Variants in ADGRG7 observed in about 807,000 individuals in gnomAD.
ADGRG7 encodes G-protein coupled receptor 128.
ADGRG7 carries 82 observed loss-of-function variants against 88.6 expected under a neutral mutation model. The ratio of observed to expected loss-of-function variants is 0.93; its 90% confidence interval spans 0.77 to 1.11. ADGRG7 has a LOEUF of 1.11. ADGRG7 is among the 50% of genes most tolerant of loss of function. ADGRG7 has a pLI of 0.00. For synonymous variants in ADGRG7, 381 were observed against 345.2 expected (o/e 1.10, Z -1.15); for missense variants, 945 against 953.4 (o/e 0.99, Z 0.12).
chr3:100,684,401 C>A (rs2094978789), intron 15 of ADGRG7, among the ~76,000 whole-genome samples: 1 of 151,958 alleles, frequency 6.6e-6, no homozygotes, highest in Admixed American at 6.6e-5. Context: ...GTAACTGGGA[C>A]TACAGGCACG....
Position 100,692,892 on chromosome 3 carries a change from G to A in ADGRG7, c.2137-1852G>A, listed in dbSNP as rs552489262. ...AGCTGAGACTCTTCATTTTAAACAA[G>A]GACCTCAGGTGATTTCTATGTACAC... On this transcript the variant is annotated intron_variant, in intron 15 of 15. Transcript: ENST00000273352. Among the ~76,000 whole-genome samples the A allele has an allele frequency of 6.6e-5, 10 of 152,200 alleles. No homozygotes were observed. In the East Asian group the frequency reaches 1.4e-3, roughly 21 times the overall value.
At chr3:100,674,636 G>A (rs2094962675) in intron 15 of ADGRG7, among the ~76,000 whole-genome samples, 1 of 150,300 alleles carries the variant, frequency 6.7e-6, no homozygotes, top group Non-Finnish European at 1.5e-5. Context: ...GGAGTGCAGT[G>A]GTGTAACATC....
rs747101652 is a variant in ADGRG7, at chr3:100,694,823, C to T, written c.2216C>T (p.Ser739Leu). Reference protein sequence around the residue: ...SEASKVLMLLSSIGRRKSLPS... With the variant: ...SEASKVLMLLLSIGRRKSLPS... ...GCTTCCAAAGTGTTGATGTTGCTATCGTCTATTGGGAGAAGGAAGTCATTG... is the reference window on the plus strand; with the variant it reads ...GCTTCCAAAGTGTTGATGTTGCTATTGTCTATTGGGAGAAGGAAGTCATTG... The change falls in exon 16 of 16, where the codon TCG (serine) becomes TTG (leucine). Residue 739 changes from serine to leucine, a missense_variant. Transcript: ENST00000273352. 15 of 1,613,968 alleles carry T rather than the reference C, an allele frequency of 9.3e-6. No individual in the cohort carries two copies. Among genetic ancestry groups the T allele is most frequent in the East Asian group, 2.2e-5 (1 of 44,898 alleles).
chr3:100,674,347 T>A (rs2094962260), intron 15 of ADGRG7, among the ~76,000 whole-genome samples: 1 of 152,198 alleles, frequency 6.6e-6, no homozygotes, highest in African/African-American at 2.4e-5. Flanking sequence ...GGTGTTTTGA[T>A]AGAGATTGCA....
At chr3:100,633,465 A>G (rs1707486227) in intron 4 of ADGRG7, 88 bp downstream of exon 4, 1 of 566,714 alleles carries the variant, frequency 1.8e-6, no homozygotes, top group Non-Finnish European at 2.9e-6. Context: ...GGTCAAATCA[A>G]TTCTTTTAAA....
chr3:100,662,074 A>G (rs1372847059), intron 14 of ADGRG7, among the ~76,000 whole-genome samples: 2 of 152,194 alleles, frequency 1.3e-5, no homozygotes, highest in African/African-American at 4.8e-5. Context: ...ATTCATCACT[A>G]GTCCACATAT....
At chr3:100,687,120 G>T (rs1343779139) in intron 15 of ADGRG7, among the ~76,000 whole-genome samples, 6 of 152,106 alleles carry the variant, frequency 3.9e-5, no homozygotes, top group Non-Finnish European at 7.3e-5. Context: ...AGATTCCTAG[G>T]TATTTTATTC....
intron 10 of ADGRG7, among the ~76,000 whole-genome samples, chr3:100,649,200 G>A (rs965609674): frequency 2.0e-5 from 3 of 152,098 alleles, no homozygotes; most frequent in African/African-American, 7.2e-5. Flanking sequence ...GAACCACATG[G>A]GACAGTATGG....
rs1707676549 is a variant in ADGRG7, at chr3:100,643,315, G to A, written c.748G>A (p.Val250Met). The change falls in exon 7 of 16, where the codon GTG becomes ATG. Residue 250 changes from valine (V) to methionine (M), a missense_variant. Coordinates refer to ENST00000273352, the MANE Select transcript of ADGRG7 (RefSeq NM_032787.3). ...TTCCTTGTCTTTGGGTAATCAATCA[G>A]TGGTGGAACCTAACATAGCAATACA... is the stretch of plus-strand genomic sequence containing the variant. ...TYSLSLGNQS[V>M]VEPNIAIQSA... The A allele has an allele frequency of 5.0e-6, 8 of 1,614,048 alleles. No individual in the cohort carries two copies. In the East Asian group the frequency reaches 1.8e-4, roughly 36 times the overall value.
Position 100,643,521 on chromosome 3 carries a change from C to T in ADGRG7, c.839-5C>T, listed in dbSNP as rs1333358659. On this transcript the variant is annotated splice_region_variant and splice_polypyrimidine_tract_variant and intron_variant, in intron 7 of 15. Transcript: ENST00000273352. Reference sequence around the variant, plus strand: ...TTTACAATTCTACTCTTTCCCTTCTCATAGGAGCTAGCAGTTCTCTAGTTT... The same window carrying T: ...TTTACAATTCTACTCTTTCCCTTCTTATAGGAGCTAGCAGTTCTCTAGTTT... 5.5e-5 allele frequency: 88 copies of T among 1,611,352 alleles called. 1 individual carries two copies. The Admixed American group carries it at 1.5e-3, about 27-fold the overall frequency.
intron 10 of ADGRG7, among the ~76,000 whole-genome samples, chr3:100,647,848 A>G (rs898610408): frequency 1.3e-5 from 2 of 152,264 alleles, no homozygotes; most frequent in Non-Finnish European, 2.9e-5. Flanking sequence ...TTCATTCCCC[A>G]GTAGCTATAA....
intron 4 of ADGRG7, 39 bp from the exon 5 acceptor site, chr3:100,635,638 T>A: frequency 1.2e-6 from 2 of 1,601,852 alleles, no homozygotes; most frequent in Non-Finnish European, 1.7e-6. Context: ...TGGACATAAT[T>A]GTGTAAAGCT....
intron 1 of ADGRG7, among the ~76,000 whole-genome samples, chr3:100,622,264 A>ATTTTT (rs57699713): frequency 2.3e-5 from 3 of 130,910 alleles, no homozygotes; most frequent in African/African-American, 9.1e-5. Context: ...CTCTATATTC[A>ATTTTT]TTTTTTTTTT....
chr3:100,694,385 G>A (rs1233461345), intron 15 of ADGRG7, among the ~76,000 whole-genome samples: 1 of 152,194 alleles, frequency 6.6e-6, no homozygotes, highest in Non-Finnish European at 1.5e-5. Context: ...TGGAAGCACA[G>A]AATGTTAGAA....
chr3:100,660,086 A>G lies in ADGRG7; in HGVS notation c.1979+243A>G, dbSNP rs1177574809. Among the ~76,000 whole-genome samples, 3 of 152,354 alleles carry G rather than the reference A, an allele frequency of 2.0e-5. No homozygotes were observed. In the East Asian group the frequency reaches 5.8e-4, roughly 29 times the overall value. ...CATCTGTGGATTCAACAAAGTGAGGATCAACTAAAAACTAAACCTAGACTT... is the reference window on the plus strand; with the variant it reads ...CATCTGTGGATTCAACAAAGTGAGGGTCAACTAAAAACTAAACCTAGACTT... On this transcript the variant is annotated intron_variant, in intron 14 of 15. Coordinates refer to ENST00000273352, the MANE Select transcript of ADGRG7 (RefSeq NM_032787.3).
At chr3:100,678,768 G>C (rs1373289685) in intron 15 of ADGRG7, among the ~76,000 whole-genome samples, 1 of 152,192 alleles carries the variant, frequency 6.6e-6, no homozygotes, top group Non-Finnish European at 1.5e-5. Context: ...GGCAGAGACT[G>C]TTCTCTTCCA....
chr3:100,613,485 C>A (rs939068051), intron 1 of ADGRG7, among the ~76,000 whole-genome samples: 1 of 151,776 alleles, frequency 6.6e-6, no homozygotes, highest in East Asian at 1.9e-4. Flanking sequence ...AATCTTTCTT[C>A]TGCTCCTTAA....
At chr3:100,620,288 A>G (rs1707292111) in intron 1 of ADGRG7, among the ~76,000 whole-genome samples, 1 of 152,246 alleles carries the variant, frequency 6.6e-6, no homozygotes, top group Admixed American at 6.5e-5. Flanking sequence ...CAGGATATAA[A>G]CAGAACCAAT....
chr3:100,678,890 C>T (rs747609341), intron 15 of ADGRG7, among the ~76,000 whole-genome samples: 18 of 152,226 alleles, frequency 1.2e-4, no homozygotes, highest in Non-Finnish European at 2.1e-4. Context: ...ACCACTGGGA[C>T]TGCGCTGGGT....
Sources: gnomAD v4.1 joint callset for allele counts (sites outside exome capture counted in the v4.1 genomes callset) on GRCh38, gnomAD v4.1.1 for gene constraint, MANE v1.5 for transcripts, NCBI Gene and HGNC (gene_info 2026-07-23, HGNC 2026-07-21) for gene names.